Variants in FOXO1 observed in about 807,000 individuals in gnomAD.
FOXO1 encodes forkhead box protein O1.
In FOXO1, 6 loss-of-function variants were observed where a neutral mutation model predicts 44.1. The ratio of observed to expected loss-of-function variants is 0.14; its 90% confidence interval spans 0.07 to 0.27. The LOEUF is 0.27. FOXO1 is among the 10% of genes least tolerant of loss of function. FOXO1 has a pLI of 1.00. For missense variants in FOXO1, 737 were observed against 888.8 expected, an observed-to-expected ratio of 0.83 and a Z score of 2.17; for synonymous variants, 380 against 362.7, an observed-to-expected ratio of 1.05 and a Z score of -0.54.
Position 40,636,129 on chromosome 13 carries a change from C to T in FOXO1, c.630+29454G>A, listed in dbSNP as rs187580566. 9.2e-5 allele frequency among the ~76,000 whole-genome samples: 14 copies of T among 152,154 alleles called. No individual in the cohort carries two copies. The East Asian group carries it at 2.3e-3, about 25-fold the overall frequency. ...ACTTGGGAGGCGGAGGCAGGAGAAT[C>T]GCTTGAACCTGGGAGGCGGAGGTTG... On this transcript the variant is annotated intron_variant, in intron 1 of 2. Transcript: ENST00000379561.
intron 1 of FOXO1, among the ~76,000 whole-genome samples, chr13:40,564,452 T>C (rs1874181100): frequency 6.6e-6 from 1 of 152,206 alleles, no homozygotes; most frequent in South Asian, 2.1e-4. Context: ...ACTTGTTACA[T>C]AAATTCCTGT....
chr13:40,651,944 T>C (rs957975285), intron 1 of FOXO1, among the ~76,000 whole-genome samples: 21 of 152,174 alleles, frequency 1.4e-4, no homozygotes, highest in African/African-American at 2.4e-4. Context: ...GTCATACAGA[T>C]TGAAGAACTC....
chr13:40,590,966 AC>A (rs1350271777), intron 1 of FOXO1, among the ~76,000 whole-genome samples: 1 of 152,126 alleles, frequency 6.6e-6, no homozygotes, highest in African/African-American at 2.4e-5. Context: ...TTTCTAAGGT[AC>A]TAAAGTATTG....
chr13:40,654,056 C>T (rs1320260272), intron 1 of FOXO1, among the ~76,000 whole-genome samples: 2 of 152,084 alleles, frequency 1.3e-5, no homozygotes, highest in African/African-American at 2.4e-5. Context: ...CCCTCTTTCT[C>T]ATCACAGTTT....
chr13:40,602,665 A>T (rs1463434776), intron 1 of FOXO1, among the ~76,000 whole-genome samples: 1 of 152,202 alleles, frequency 6.6e-6, no homozygotes, highest in Non-Finnish European at 1.5e-5. Context: ...TGGTTGTTTT[A>T]ATTTCATTCC....
intron 1 of FOXO1, among the ~76,000 whole-genome samples, chr13:40,573,956 A>G (rs1874642997): frequency 6.6e-6 from 1 of 152,222 alleles, no homozygotes; most frequent in African/African-American, 2.4e-5. Flanking sequence ...ACACAAGCCA[A>G]TAATTTGCGA....
At chr13:40,628,875 G>A (rs1335322645) in intron 1 of FOXO1, among the ~76,000 whole-genome samples, 1 of 152,308 alleles carries the variant, frequency 6.6e-6, no homozygotes, top group East Asian at 1.9e-4. Flanking sequence ...GAATCAAACA[G>A]TAACTGTACT....
At chr13:40,592,096 T>C (rs899701220) in intron 1 of FOXO1, among the ~76,000 whole-genome samples, 3 of 152,224 alleles carry the variant, frequency 2.0e-5, no homozygotes, top group Non-Finnish European at 4.4e-5. Flanking sequence ...ACTTGAATTC[T>C]CACAAACTGT....
intron 1 of FOXO1, among the ~76,000 whole-genome samples, chr13:40,571,228 G>T (rs1013332175): frequency 6.6e-6 from 1 of 151,982 alleles, no homozygotes; most frequent in South Asian, 2.1e-4. Flanking sequence ...GTCATGGGGT[G>T]GGGGGAAGGG....
Position 40,569,000 on chromosome 13 carries a change from A to G in FOXO1, c.631-8140T>C, listed in dbSNP as rs189196950. 3.3e-5 allele frequency among the ~76,000 whole-genome samples: 5 copies of G among 152,326 alleles called. No individual in the cohort carries two copies. In the East Asian group the frequency reaches 9.6e-4, roughly 29 times the overall value. ...AAGAAATGTAAAACAAGTACCAAGA[A>G]CATGCAATATTCCTCCCCTAGCCAA... On this transcript the variant is annotated intron_variant, in intron 1 of 2. Coordinates refer to ENST00000379561, the MANE Select transcript of FOXO1 (RefSeq NM_002015.4).
At chr13:40,647,253 T>G (rs1877540353) in intron 1 of FOXO1, among the ~76,000 whole-genome samples, 1 of 152,112 alleles carries the variant, frequency 6.6e-6, no homozygotes, top group Non-Finnish European at 1.5e-5. Context: ...ACCAAAAACC[T>G]CAAACCCTAA....
At chr13:40,628,532 G>T (rs78601796) in intron 1 of FOXO1, among the ~76,000 whole-genome samples, 1 of 151,882 alleles carries the variant, frequency 6.6e-6, no homozygotes, top group Non-Finnish European at 1.5e-5. Context: ...ACCTGAGTCC[G>T]TCCTCTTCAG....
intron 1 of FOXO1, among the ~76,000 whole-genome samples, chr13:40,577,201 G>A (rs958293713): frequency 2.9e-5 from 3 of 102,596 alleles, no homozygotes; most frequent in South Asian, 3.2e-4. Context: ...ATTACCCCCC[G>A]CCCACATGCA....
At chr13:40,584,919 TACTTTC>T (rs1875100002) in intron 1 of FOXO1, among the ~76,000 whole-genome samples, 1 of 152,230 alleles carries the variant, frequency 6.6e-6, no homozygotes. Flanking sequence ...ACACCTGAAC[TACTTTC>T]ATGTGTAAGA....
intron 1 of FOXO1, among the ~76,000 whole-genome samples, chr13:40,620,675 C>G (rs1293988216): frequency 6.6e-6 from 1 of 151,952 alleles, no homozygotes; most frequent in Non-Finnish European, 1.5e-5. Flanking sequence ...GGAGACAGCA[C>G]TGAAATGCAT....
At chr13:40,662,781 C>A (rs1878078939) in intron 1 of FOXO1, among the ~76,000 whole-genome samples, 1 of 152,110 alleles carries the variant, frequency 6.6e-6, no homozygotes, top group Non-Finnish European at 1.5e-5. Flanking sequence ...ATATTTTGTG[C>A]CAAAGCAACC....
chr13:40,659,785 G>A (rs944641727), intron 1 of FOXO1, among the ~76,000 whole-genome samples: 4 of 152,198 alleles, frequency 2.6e-5, no homozygotes, highest in African/African-American at 9.6e-5. Context: ...ACCACAGGGA[G>A]AAGACGGAAT....
chr13:40,642,280 T>C (rs1280290087), intron 1 of FOXO1, among the ~76,000 whole-genome samples: 4 of 152,144 alleles, frequency 2.6e-5, no homozygotes, highest in East Asian at 1.9e-4. Flanking sequence ...TGCTAGGATA[T>C]GTAGCAGATG....
intron 1 of FOXO1, among the ~76,000 whole-genome samples, chr13:40,574,216 T>C (rs4603422): frequency 0.41 from 62,170 of 151,794 alleles, 13,863 homozygotes; most frequent in East Asian, 0.73. Flanking sequence ...CACCACAATG[T>C]ATGTATTAGC....
Sources: gnomAD v4.1 joint callset for allele counts (sites outside exome capture counted in the v4.1 genomes callset) on GRCh38, gnomAD v4.1.1 for gene constraint, MANE v1.5 for transcripts, NCBI Gene and HGNC (gene_info 2026-07-23, HGNC 2026-07-21) for gene names.